Variants in SERGEF observed in about 807,000 individuals in gnomAD.
The protein encoded by SERGEF is secretion-regulating guanine nucleotide exchange factor.
SERGEF carries 51 observed loss-of-function variants against 50.0 expected under a neutral mutation model. The observed-to-expected ratio is 1.02, with a 90% CI of 0.81 to 1.29. The LOEUF (loss-of-function observed/expected upper bound fraction) is 1.29. SERGEF is among the 50% of genes most tolerant of loss of function. The pLI, the probability that SERGEF is intolerant of heterozygous loss-of-function variation, is 0.00. For synonymous variants in SERGEF, 205 were observed against 212.4 expected, an observed-to-expected ratio of 0.97 and a Z score of 0.30; for missense variants, 521 against 557.0, an observed-to-expected ratio of 0.94 and a Z score of 0.65.
At chr11:18,000,940 GA>G (rs1010778795) in intron 4 of SERGEF, 6 of 377,026 alleles carry the variant, frequency 1.6e-5, no homozygotes, top group African/African-American at 1.3e-4. Flanking sequence ...ATACATAAAT[GA>G]ATGAGCATGA....
chr11:17,818,676 T>G (rs1392580514), intron 10 of SERGEF, among the ~76,000 whole-genome samples: 2 of 152,204 alleles, frequency 1.3e-5, no homozygotes. Context: ...AGCTCTACTC[T>G]CCAAGCTGCA....
chr11:17,922,718 T>C (rs1213117708), intron 9 of SERGEF, among the ~76,000 whole-genome samples: 1 of 152,226 alleles, frequency 6.6e-6, no homozygotes, highest in Non-Finnish European at 1.5e-5. Context: ...GTGTCCTCAC[T>C]GTATGACTTG....
At chr11:17,997,158 CT>C (rs1345496408) in intron 5 of SERGEF, among the ~76,000 whole-genome samples, 5 of 152,320 alleles carry the variant, frequency 3.3e-5, no homozygotes, top group Middle Eastern at 3.4e-3. Context: ...GATCACGCCA[CT>C]GCACTCTAGC....
At chr11:17,945,401 GGTGGCTACTAGCCACAT>G (rs1196425052) in intron 9 of SERGEF, among the ~76,000 whole-genome samples, 8 of 152,250 alleles carry the variant, frequency 5.3e-5, no homozygotes, top group African/African-American at 1.7e-4. Flanking sequence ...TGTCCAGTGT[GGTGGCTACTAGCCACAT>G]GTGGCTACTG....
intron 8 of SERGEF, among the ~76,000 whole-genome samples, chr11:17,984,515 T>C (rs1590233471): frequency 6.6e-6 from 1 of 152,152 alleles, no homozygotes; most frequent in Non-Finnish European, 1.5e-5. Flanking sequence ...TCACCTCCCA[T>C]CAGGCCCCAC....
chr11:17,937,748 T>G (rs1424761563), intron 9 of SERGEF, among the ~76,000 whole-genome samples: 1 of 152,092 alleles, frequency 6.6e-6, no homozygotes, highest in Non-Finnish European at 1.5e-5. Flanking sequence ...AGATGAACTT[T>G]CTAACAGTAA....
At chr11:17,844,925 A>C (rs1036893862) in intron 10 of SERGEF, among the ~76,000 whole-genome samples, 4 of 150,004 alleles carry the variant, frequency 2.7e-5, no homozygotes, top group Admixed American at 2.0e-4. Context: ...AAACAAACAA[A>C]CAAAAAAAAC....
At position 18,000,558 on chromosome 11, in the gene SERGEF, C is replaced by G. The variant is rs1374755379; in HGVS notation, c.448-1G>C. 2 of 1,579,048 alleles carry G rather than the reference C, an allele frequency of 1.3e-6. No individual in the cohort carries two copies. Reference sequence around the variant, plus strand: ...TACAAACAACCTTCTCTTTATGGAGCTGTCAAAATAAAGAAAAGGATTTAG... The same window carrying G: ...TACAAACAACCTTCTCTTTATGGAGGTGTCAAAATAAAGAAAAGGATTTAG... On this transcript the variant is annotated splice_acceptor_variant, in intron 4 of 10. Transcript: ENST00000265965. LOFTEE classifies it high-confidence loss of function.
intron 10 of SERGEF, chr11:17,853,435 A>T (rs1293308734): frequency 6.6e-6 from 1 of 152,202 alleles, no homozygotes; most frequent in South Asian, 2.1e-4. Context: ...GTTGAGGAAG[A>T]GCACACAGTG....
At chr11:17,810,694 C>T (rs1198409404) in intron 10 of SERGEF, among the ~76,000 whole-genome samples, 1 of 152,090 alleles carries the variant, frequency 6.6e-6, no homozygotes, top group Non-Finnish European at 1.5e-5. Flanking sequence ...CTTTATCCTC[C>T]ACTGTGCTTA....
intron 10 of SERGEF, chr11:17,854,849 G>C (rs1319558782): frequency 1.3e-5 from 2 of 152,224 alleles, no homozygotes; most frequent in African/African-American, 4.8e-5. Context: ...AGGATGTGGA[G>C]CTATAGAAAT....
intron 10 of SERGEF, among the ~76,000 whole-genome samples, chr11:17,803,630 C>T (rs890353079): frequency 7.9e-5 from 12 of 152,200 alleles, no homozygotes; most frequent in Non-Finnish European, 1.6e-4. Context: ...GCTCACTGGA[C>T]ACTTGTTCCC....
chr11:17,866,400 T>C lies in SERGEF; in HGVS notation c.1048+11808A>G, dbSNP rs559863985. Among the ~76,000 whole-genome samples the C allele has an allele frequency of 5.3e-5, 8 of 152,374 alleles. 1 individual carries two copies. In the East Asian group the frequency reaches 5.8e-4, roughly 11 times the overall value. ...GGTTTATAGCCCAGGAGCAACAGGCTAAACCATATAGCCTAGGTGTGTACT... is the reference window on the plus strand; with the variant it reads ...GGTTTATAGCCCAGGAGCAACAGGCCAAACCATATAGCCTAGGTGTGTACT... On this transcript the variant is annotated intron_variant, in intron 10 of 10. Coordinates refer to ENST00000265965, the MANE Select transcript of SERGEF (RefSeq NM_012139.4).
At chr11:17,899,910 G>A (rs1428140570) in intron 9 of SERGEF, among the ~76,000 whole-genome samples, 1 of 151,296 alleles carries the variant, frequency 6.6e-6, no homozygotes, top group East Asian at 1.9e-4. Flanking sequence ...GAGCTATGAT[G>A]GCATGACTAC....
At chr11:17,940,628 C>T (rs1394832064) in intron 9 of SERGEF, among the ~76,000 whole-genome samples, 3 of 152,022 alleles carry the variant, frequency 2.0e-5, no homozygotes, top group African/African-American at 7.3e-5. Flanking sequence ...GGCTGGAGTG[C>T]AGTGGTATGA....
chr11:17,889,861 CTG>C (rs1851499969), intron 9 of SERGEF, among the ~76,000 whole-genome samples: 1 of 151,902 alleles, frequency 6.6e-6, no homozygotes, highest in Non-Finnish European at 1.5e-5. Flanking sequence ...CAAAATTAAT[CTG>C]TGGTGAAAGT....
intron 9 of SERGEF, among the ~76,000 whole-genome samples, chr11:17,930,861 T>C (rs1036725017): frequency 6.6e-6 from 1 of 152,204 alleles, no homozygotes; most frequent in Non-Finnish European, 1.5e-5. Flanking sequence ...AGATCTGAGA[T>C]GCTAGCTGCA....
chr11:17,810,494 A>G lies in SERGEF; in HGVS notation c.1049-22081T>C, dbSNP rs1310506346. Among the ~76,000 whole-genome samples, 5 of 152,246 alleles carry G rather than the reference A, an allele frequency of 3.3e-5. No homozygotes were observed. The East Asian group carries it at 9.6e-4, about 29-fold the overall frequency. On this transcript the variant is annotated intron_variant, in intron 10 of 10. Coordinates refer to ENST00000265965, the MANE Select transcript of SERGEF (RefSeq NM_012139.4). ...AGAGCAGCAAGGGCATCTACAGATC[A>G]TTGGCCCAACCCTCAAAATTCTACC...
chr11:17,925,514 T>C (rs1236565113), intron 9 of SERGEF, among the ~76,000 whole-genome samples: 2 of 152,162 alleles, frequency 1.3e-5, no homozygotes, highest in Admixed American at 6.5e-5. Flanking sequence ...ACAAAATAGT[T>C]GCCTTTTCTG....
Sources: allele counts gnomAD v4.1 joint callset (sites outside exome capture counted in the v4.1 genomes callset), GRCh38; gene constraint gnomAD v4.1.1; transcripts MANE v1.5; gene names NCBI Gene and HGNC (gene_info 2026-07-23, HGNC 2026-07-21).